The following TSHZ2 variants were observed in gnomAD, a reference collection of about 807,000 sequenced individuals.
TSHZ2 encodes the protein teashirt zinc finger homeobox 2, also known as teashirt homolog 2.
A neutral mutation model predicts 74.4 loss-of-function variants in TSHZ2; 21 were observed. The ratio of observed to expected loss-of-function variants is 0.28; its 90% CI spans 0.20 to 0.41. The LOEUF (loss-of-function observed/expected upper bound fraction) is 0.41. Ranked by LOEUF, TSHZ2 falls within the 10% of genes least tolerant of loss-of-function variation. The pLI is 1.00. For missense variants in TSHZ2, 1,244 were observed against 1,293.5 expected, an observed-to-expected ratio of 0.96 and a Z score of 0.59; for synonymous variants, 540 against 515.3, an observed-to-expected ratio of 1.05 and a Z score of -0.65.
intron 2 of TSHZ2, among the ~76,000 whole-genome samples, chr20:53,319,384 A>C (rs1253128512): frequency 6.6e-6 from 1 of 152,198 alleles, no homozygotes; most frequent in Non-Finnish European, 1.5e-5. Context: ...TTACTATGAC[A>C]CTCCCATTTT....
At chr20:53,445,041 G>C (rs1984498323) in intron 2 of TSHZ2, among the ~76,000 whole-genome samples, 1 of 152,076 alleles carries the variant, frequency 6.6e-6, no homozygotes, top group African/African-American at 2.4e-5. Flanking sequence ...ACATGCCAGG[G>C]CCTCCCATCC....
At chr20:53,192,787 A>G (rs1988769602) in intron 1 of TSHZ2, among the ~76,000 whole-genome samples, 1 of 152,138 alleles carries the variant, frequency 6.6e-6, no homozygotes, top group Non-Finnish European at 1.5e-5. Flanking sequence ...CTACAACTTG[A>G]GCTCACATCT....
intron 2 of TSHZ2, among the ~76,000 whole-genome samples, chr20:53,301,612 A>G (rs1991477177): frequency 6.6e-6 from 1 of 152,212 alleles, no homozygotes; most frequent in South Asian, 2.1e-4. Flanking sequence ...CGTAGGAGCA[A>G]GAAGGTAAAA....
intron 2 of TSHZ2, among the ~76,000 whole-genome samples, chr20:53,445,415 G>A (rs752152606): frequency 7.9e-5 from 12 of 152,132 alleles, no homozygotes; most frequent in Admixed American, 3.3e-4. Context: ...GCCATGTTCC[G>A]TTCCCATGTG....
intron 1 of TSHZ2, among the ~76,000 whole-genome samples, chr20:53,168,002 C>A (rs534778083): frequency 2.0e-5 from 3 of 152,158 alleles, no homozygotes; most frequent in Non-Finnish European, 4.4e-5. Flanking sequence ...TGGCAATAGT[C>A]GCCTTGCCAG....
intron 2 of TSHZ2, among the ~76,000 whole-genome samples, chr20:53,413,329 C>A (rs2145701417): frequency 6.6e-6 from 1 of 152,320 alleles, no homozygotes; most frequent in East Asian, 1.9e-4. Context: ...GCGCTGGCTG[C>A]CAGAGAAAGT....
At chr20:53,106,391 CTT>C (rs71194458) in intron 1 of TSHZ2, among the ~76,000 whole-genome samples, 10 of 58,980 alleles carry the variant, frequency 1.7e-4, no homozygotes, top group Non-Finnish European at 2.6e-4. Context: ...CTCACACTTT[CTT>C]TTTTTTTTTT....
chr20:53,263,368 G>A (rs908908137), intron 2 of TSHZ2, among the ~76,000 whole-genome samples: 6 of 152,160 alleles, frequency 3.9e-5, no homozygotes, highest in African/African-American at 1.4e-4. Flanking sequence ...GTGGATACCG[G>A]TGCCCAAATA....
At chr20:52,975,380 C>A (rs1425968504) in intron 1 of TSHZ2, among the ~76,000 whole-genome samples, 2 of 152,028 alleles carry the variant, frequency 1.3e-5, no homozygotes, top group Non-Finnish European at 2.9e-5. Context: ...AATTGCTCGA[C>A]TTTGATTATA....
At chr20:53,044,119 G>T (rs1314735118) in intron 1 of TSHZ2, among the ~76,000 whole-genome samples, 1 of 152,214 alleles carries the variant, frequency 6.6e-6, no homozygotes, top group Non-Finnish European at 1.5e-5. Context: ...AAATGCTTAG[G>T]AACAGAAGTA....
chr20:53,247,058 G>A (rs765162854), intron 1 of TSHZ2, among the ~76,000 whole-genome samples: 1 of 152,096 alleles, frequency 6.6e-6, no homozygotes, highest in Non-Finnish European at 1.5e-5. Flanking sequence ...CTGTACCCAC[G>A]CCATCTCCAG....
Position 52,973,350 on chromosome 20 carries a change from C to T in TSHZ2, c.40+17C>T, listed in dbSNP as rs1430221953. The T allele has an allele frequency of 1.9e-6, 3 of 1,551,156 alleles. No individual in the cohort carries two copies. Among genetic ancestry groups the T allele is most frequent in the African/African-American group, 2.7e-5 (2 of 73,156 alleles). ...GGGCGGCAGGTAAGAGAAACGGCTC[C>T]GCTTCGGGGCTGCCCTGTGCGCCGA... On this transcript the variant is annotated intron_variant, in intron 1 of 2. Transcript: ENST00000371497.
chr20:53,310,046 A>C (rs1978713220), intron 2 of TSHZ2, among the ~76,000 whole-genome samples: 1 of 152,240 alleles, frequency 6.6e-6, no homozygotes, highest in South Asian at 2.1e-4. Context: ...TGACCATGGA[A>C]TGTTTTTTCT....
intron 1 of TSHZ2, among the ~76,000 whole-genome samples, chr20:53,042,694 T>C (rs1352720150): frequency 9.4e-6 from 1 of 106,112 alleles, no homozygotes; most frequent in East Asian, 3.2e-4. Flanking sequence ...ATTATGGAAG[T>C]AGAGAAGAAA....
At chr20:53,432,273 G>A (rs1018870506) in intron 2 of TSHZ2, among the ~76,000 whole-genome samples, 3 of 152,132 alleles carry the variant, frequency 2.0e-5, no homozygotes, top group Admixed American at 2.0e-4. Context: ...ATGGCCTCCA[G>A]TTCTGTCTAA....
chr20:53,368,591 G>T (rs1291720933), intron 2 of TSHZ2, among the ~76,000 whole-genome samples: 4 of 152,162 alleles, frequency 2.6e-5, no homozygotes, highest in African/African-American at 9.7e-5. Context: ...GATTACAGGC[G>T]TGAGCCTGTG....
intron 2 of TSHZ2, among the ~76,000 whole-genome samples, chr20:53,314,741 C>T (rs995489504): frequency 1.8e-4 from 28 of 151,740 alleles, no homozygotes; most frequent in Admixed American, 1.8e-3. Flanking sequence ...CCTGCCTCAG[C>T]CTCTCAAGCA....
In TSHZ2 at chr20:53,488,875, G is replaced by C; in HGVS notation, c.*1740G>C. ...ACTTCTTATTTACCTCCTAGGGAAA[G>C]TGTTGCCCTTATGCCACATATAATA... is the stretch of plus-strand genomic sequence containing the variant. On this transcript the variant is annotated 3_prime_UTR_variant, in exon 3 of 3. Coordinates refer to ENST00000371497, the MANE Select transcript of TSHZ2 (RefSeq NM_173485.6). 2.6e-6 allele frequency: 1 copy of C among 392,024 alleles called. No individual in the cohort carries two copies. Among genetic ancestry groups the C allele is most frequent in the South Asian group, 1.9e-5 (1 of 53,158 alleles). 24.3% of individuals were successfully genotyped at this position (392,024 alleles called of 1,614,324 possible). A position where few individuals can be genotyped will look rare whatever the true frequency, so the allele number is the denominator to read the frequency against.
intron 2 of TSHZ2, among the ~76,000 whole-genome samples, chr20:53,431,099 A>G (rs1216820066): frequency 6.6e-6 from 1 of 152,172 alleles, no homozygotes; most frequent in Admixed American, 6.5e-5. Flanking sequence ...AATCCAGAAC[A>G]TGAGATGGAC....
Sources: allele counts gnomAD v4.1 joint callset (sites outside exome capture counted in the v4.1 genomes callset), GRCh38; gene constraint gnomAD v4.1.1; transcripts MANE v1.5; gene names NCBI Gene and HGNC (gene_info 2026-07-23, HGNC 2026-07-21).